FOXP1: variants seen among roughly 807,000 people sequenced by gnomAD.
FOXP1 encodes the protein forkhead box P1, also known as forkhead box protein P1.
In FOXP1, 15 loss-of-function variants were observed where a neutral mutation model predicts 98.2. The observed-to-expected ratio is 0.15, with a 90% CI of 0.10 to 0.24. The LOEUF (loss-of-function observed/expected upper bound fraction) is 0.24, where lower values mean the gene tolerates loss of function less well. Ranked by LOEUF, FOXP1 falls within the 10% of genes least tolerant of loss-of-function variation. FOXP1 has a pLI of 1.00. For synonymous variants in FOXP1, 371 were observed against 314.5 expected (o/e 1.18, Z -1.90); for missense variants, 633 against 848.5 (o/e 0.75, Z 3.15).
At chr3:71,260,015 G>A (rs1477942616) in intron 5 of FOXP1, among the ~76,000 whole-genome samples, 2 of 152,130 alleles carry the variant, frequency 1.3e-5, no homozygotes. Context: ...ACAGAGTCTC[G>A]CTCTCTCCCC....
intron 3 of FOXP1, among the ~76,000 whole-genome samples, chr3:71,471,034 C>T (rs2089293112): frequency 6.6e-6 from 1 of 152,186 alleles, no homozygotes; most frequent in Non-Finnish European, 1.5e-5. Context: ...TAGCATTTCA[C>T]AAAGAATCTG....
At chr3:71,410,941 G>A (rs950245486) in intron 3 of FOXP1, among the ~76,000 whole-genome samples, 5 of 152,104 alleles carry the variant, frequency 3.3e-5, no homozygotes, top group Admixed American at 1.3e-4. Flanking sequence ...CTTATCACGC[G>A]TGGCTTCATA....
In FOXP1 at chr3:70,997,297, A is replaced by G. The variant is rs1194347598; in HGVS notation, c.1062+3675T>C. On this transcript the variant is annotated intron_variant, in intron 13 of 20. Transcript: ENST00000649528. The stretch of plus-strand genomic sequence containing the variant: ...CTATGGGCACAATGACTGGTAGTCA[A>G]GTAAGTTAAAAAGTATGTTTCTAGA... 2.6e-5 allele frequency among the ~76,000 whole-genome samples: 4 copies of G among 152,220 alleles called. No individual in the cohort carries two copies. The South Asian group carries it at 8.3e-4, about 31-fold the overall frequency.
intron 17 of FOXP1, among the ~76,000 whole-genome samples, chr3:70,973,950 A>ACAAT (rs1259684835): frequency 6.6e-6 from 1 of 150,582 alleles, no homozygotes; most frequent in Non-Finnish European, 1.5e-5. Context: ...CAGTTTTTGG[A>ACAAT]CAATCACAAT....
chr3:71,573,275 T>C (rs878173), intron 2 of FOXP1, among the ~76,000 whole-genome samples: 87,860 of 151,646 alleles, frequency 0.58, 26,675 homozygotes, highest in Non-Finnish European at 0.63. Context: ...AGAAGCATAC[T>C]TTGTGTGTGA....
chr3:71,194,383 T>C (rs2063179375), intron 6 of FOXP1, among the ~76,000 whole-genome samples: 1 of 152,176 alleles, frequency 6.6e-6, no homozygotes, highest in Admixed American at 6.5e-5. Context: ...CATTTTCTAG[T>C]ATGCATTCTG....
intron 2 of FOXP1, chr3:71,580,723 T>C (rs1166066910): frequency 8.5e-6 from 8 of 938,576 alleles, no homozygotes; most frequent in Non-Finnish European, 1.0e-5. Context: ...GATTCTTCAA[T>C]ATATTTTCAG....
chr3:71,565,178 A>G (rs1559537082), intron 2 of FOXP1, among the ~76,000 whole-genome samples: 1 of 152,138 alleles, frequency 6.6e-6, no homozygotes, highest in South Asian at 2.1e-4. Flanking sequence ...TCTTCTGTCA[A>G]TTTGTCCATA....
intron 5 of FOXP1, among the ~76,000 whole-genome samples, chr3:71,214,720 G>A (rs1391536894): frequency 6.6e-6 from 1 of 152,170 alleles, no homozygotes; most frequent in Non-Finnish European, 1.5e-5. Context: ...CACAGCCATT[G>A]TTGATCACGT....
chr3:71,371,107 C>T (rs1250936851), intron 3 of FOXP1, among the ~76,000 whole-genome samples: 1 of 152,116 alleles, frequency 6.6e-6, no homozygotes, highest in South Asian at 2.1e-4. Context: ...TTCTGATTCA[C>T]TATGGCTACA....
chr3:71,308,749 A>ATGTGTGTGTGTGTGTGTGTG (rs71104439), intron 4 of FOXP1, among the ~76,000 whole-genome samples: 1 of 132,214 alleles, frequency 7.6e-6, no homozygotes, highest in African/African-American at 2.9e-5. Context: ...TTCTACCACA[A>ATGTGTGTGTGTGTGTGTGTG]TGTGTGTGTG....
intron 14 of FOXP1, among the ~76,000 whole-genome samples, chr3:70,987,605 C>T (rs187473677): frequency 6.6e-6 from 1 of 152,302 alleles, no homozygotes; most frequent in Admixed American, 6.5e-5. Context: ...TCAGCTTACC[C>T]GAGCTGAAAT....
intron 11 of FOXP1, among the ~76,000 whole-genome samples, chr3:71,025,893 A>G (rs546923595): frequency 7.2e-5 from 11 of 152,340 alleles, no homozygotes; most frequent in African/African-American, 2.6e-4. Context: ...CTGAGGATGT[A>G]TGTGAGGAAA....
At chr3:71,209,801 T>C (rs1372893352) in intron 5 of FOXP1, among the ~76,000 whole-genome samples, 1 of 152,238 alleles carries the variant, frequency 6.6e-6, no homozygotes, top group African/African-American at 2.4e-5. Flanking sequence ...ATTAAAACAT[T>C]AGTTTCAATC....
At chr3:71,159,570 G>A (rs1313251000) in intron 6 of FOXP1, among the ~76,000 whole-genome samples, 2 of 152,138 alleles carry the variant, frequency 1.3e-5, no homozygotes, top group Non-Finnish European at 2.9e-5. Context: ...TTCCTGGAGA[G>A]CTTTTTACAC....
Position 70,999,093 on chromosome 3 carries a change from T to C in FOXP1, c.1062+1879A>G, listed in dbSNP as rs144539697. 2.2e-3 allele frequency among the ~76,000 whole-genome samples: 328 copies of C among 152,278 alleles called. 2 individuals carry two copies. Among genetic ancestry groups the C allele is most frequent in the Middle Eastern group, 6.8e-3 (2 of 294 alleles). ...ATTCTGGTAGGAAGGTAGTTTATTC[T>C]TTCTCTTTTTTTTTGAGATGGAGTC... is the stretch of plus-strand genomic sequence containing the variant. On this transcript the variant is annotated intron_variant, in intron 13 of 20. Coordinates refer to ENST00000649528, the MANE Select transcript of FOXP1 (RefSeq NM_001349338.3).
rs185538194 is a variant in FOXP1, at chr3:70,986,291, G to A, written c.1146+1703C>T. Among the ~76,000 whole-genome samples the A allele has an allele frequency of 2.3e-3, 353 of 152,248 alleles. 9 individuals carry two copies. Among genetic ancestry groups the A allele is most frequent in the Admixed American group, 0.019 (290 of 15,294 alleles). ...CTGCCAACACCCAGCCCGGTCACTC[G>A]CCAAGCGCCCTACGGGGTTTTGTAG... On this transcript the variant is annotated intron_variant, in intron 14 of 20. Transcript: ENST00000649528.
intron 5 of FOXP1, among the ~76,000 whole-genome samples, chr3:71,209,085 T>C (rs2064267340): frequency 6.6e-6 from 1 of 152,210 alleles, no homozygotes; most frequent in Non-Finnish European, 1.5e-5. Context: ...AACTCTTTAC[T>C]GGTGACATTA....
At chr3:71,479,607 A>C (rs1181678600) in intron 3 of FOXP1, among the ~76,000 whole-genome samples, 1 of 149,112 alleles carries the variant, frequency 6.7e-6, no homozygotes, top group African/African-American at 2.5e-5. Context: ...TGAACCCAGG[A>C]GGTGGAGGCT....
Sources: gnomAD v4.1 joint callset for allele counts (sites outside exome capture counted in the v4.1 genomes callset) on GRCh38, gnomAD v4.1.1 for gene constraint, MANE v1.5 for transcripts, NCBI Gene and HGNC (gene_info 2026-07-23, HGNC 2026-07-21) for gene names.